ZDHHC20: variants seen among roughly 807,000 people sequenced by gnomAD.
ZDHHC20 encodes palmitoyltransferase ZDHHC20.
A neutral mutation model predicts 57.8 loss-of-function variants in ZDHHC20; 43 were observed. The ratio of observed to expected loss-of-function variants is 0.74; its 90% CI spans 0.58 to 0.96. ZDHHC20 has a LOEUF of 0.96. Among genes scored for constraint, ZDHHC20 ranks in the 40% least tolerant of loss-of-function variants. The probability of loss-of-function intolerance (pLI) is 0.00; values close to 1 mark genes in which losing one functional copy is unlikely to be tolerated. For synonymous variants in ZDHHC20, 157 were observed against 153.0 expected (o/e 1.03, Z -0.19); for missense variants, 391 against 441.1 (o/e 0.89, Z 1.02).
chr13:21,400,414 C>A lies in ZDHHC20; in HGVS notation c.553G>T (p.Val185Leu), dbSNP rs377020404. Reference protein sequence around the residue: ...LLYSLLYCLFVAATVLEYFIK... With the variant: ...LLYSLLYCLFLAATVLEYFIK... ...AAGTACTCTAAAACTGTTGCAGCCACGAAAAGGCAATATAATAGGGAATAC... is the reference window on the plus strand; with the variant it reads ...AAGTACTCTAAAACTGTTGCAGCCAAGAAAAGGCAATATAATAGGGAATAC... Residue 185 changes from valine (V) to leucine (L), a missense_variant, in exon 7 of 13, where the codon GTG becomes TTG. Around this residue, in one of 3 missense-constraint regions of ZDHHC20, gnomAD observed 197 missense variants for 220.8 expected, o/e 0.89. Transcript: ENST00000400590. 1.2e-6 allele frequency: 2 copies of A among 1,601,638 alleles called. No homozygotes were observed. The highest frequency in any genetic ancestry group is 1.7e-6 in the Non-Finnish European group (2 of 1,176,112).
rs977142020 is a variant in ZDHHC20, at chr13:21,387,726, A to C, written c.728-92T>G. On this transcript the variant is annotated intron_variant, in intron 8 of 12. Coordinates refer to ENST00000400590, the MANE Select transcript of ZDHHC20 (RefSeq NM_001330059.2). ...ACCAATTTTCTTGCTTATATCTTTG[A>C]CACAAAAACTGTAAATATAATTTAA... 63 of 657,954 alleles carry C rather than the reference A, an allele frequency of 9.6e-5. No homozygotes were observed. The East Asian group carries it at 2.3e-3, about 24-fold the overall frequency. The allele number at this position is 657,954 out of a possible 1,614,324, so 40.8% of individuals were successfully genotyped here.
intron 7 of ZDHHC20, among the ~76,000 whole-genome samples, chr13:21,398,173 TAAAC>T (rs1411549010): frequency 1.3e-5 from 2 of 151,952 alleles, no homozygotes; most frequent in African/African-American, 4.8e-5. Flanking sequence ...CTAAGAAACA[TAAAC>T]AAACAGGTTG....
At chr13:21,381,754 A>G in intron 10 of ZDHHC20, 1 of 589,022 alleles carries the variant, frequency 1.7e-6, no homozygotes, top group South Asian at 2.0e-5. Context: ...AAGAATCTGT[A>G]TTCCAACACT....
intron 1 of ZDHHC20, among the ~76,000 whole-genome samples, chr13:21,455,531 T>C (rs1472956916): frequency 6.6e-6 from 1 of 152,192 alleles, no homozygotes; most frequent in African/African-American, 2.4e-5. Flanking sequence ...TATTACTAAT[T>C]ACTTAATCTT....
At chr13:21,452,363 C>T (rs762835219) in intron 1 of ZDHHC20, among the ~76,000 whole-genome samples, 4 of 152,078 alleles carry the variant, frequency 2.6e-5, no homozygotes, top group African/African-American at 4.8e-5. Context: ...AACTATGTCT[C>T]GATCAAGTTG....
intron 11 of ZDHHC20, among the ~76,000 whole-genome samples, chr13:21,379,040 G>A (rs1053142433): frequency 3.9e-5 from 6 of 152,000 alleles, no homozygotes; most frequent in South Asian, 2.1e-4. Context: ...TTTTAGAGAC[G>A]GGCCTTAATA....
At chr13:21,408,961 C>G (rs1346209544) in intron 4 of ZDHHC20, among the ~76,000 whole-genome samples, 1 of 152,202 alleles carries the variant, frequency 6.6e-6, no homozygotes, top group African/African-American at 2.4e-5. Context: ...ATGAAGCCAA[C>G]TTGATCATAG....
chr13:21,389,834 TTTTC>T (rs1176887254), intron 8 of ZDHHC20, among the ~76,000 whole-genome samples: 2 of 152,196 alleles, frequency 1.3e-5, no homozygotes, highest in African/African-American at 4.8e-5. Context: ...AGAAATCTGG[TTTTC>T]TTTGTGAAAT....
chr13:21,459,036 C>T lies in ZDHHC20; in HGVS notation c.118+18G>A, dbSNP rs1215793208. 1.3e-6 allele frequency: 2 copies of T among 1,575,986 alleles called. No individual in the cohort carries two copies. The highest frequency in any genetic ancestry group is 1.8e-5 in the Admixed American group (1 of 56,912). On this transcript the variant is annotated intron_variant, in intron 1 of 12. Coordinates refer to ENST00000400590, the MANE Select transcript of ZDHHC20 (RefSeq NM_001330059.2). ...CCGCGGCCCGCGCCCCGCCGCAGTC[C>T]CCGGGGACGGTACTCACACACGCAG...
chr13:21,379,928 G>A (rs1394860689), intron 11 of ZDHHC20, among the ~76,000 whole-genome samples: 2 of 149,084 alleles, frequency 1.3e-5, no homozygotes, highest in African/African-American at 2.5e-5. Flanking sequence ...CCATTCCCCT[G>A]CCTCAGCCTC....
Position 21,440,023 on chromosome 13 carries a change from C to T in ZDHHC20, c.119-14345G>A, listed in dbSNP as rs148337763. Among the ~76,000 whole-genome samples, 403 of 139,736 alleles carry T rather than the reference C, an allele frequency of 2.9e-3. 2 individuals carry two copies. The highest frequency in any genetic ancestry group is 0.01 in the African/African-American group (389 of 37,074). The allele number at this position is 139,736 out of a possible 152,430, so 91.7% of individuals were successfully genotyped here. On this transcript the variant is annotated intron_variant, in intron 1 of 12. Coordinates refer to ENST00000400590, the MANE Select transcript of ZDHHC20 (RefSeq NM_001330059.2). ...CAGAGGTTTCAGTGAGCCAAGATCG[C>T]GCCATGGCACTCCAGCCTGGGCGAC...
At position 21,403,825 on chromosome 13, in the gene ZDHHC20, C is replaced by A. The variant is rs548527010; in HGVS notation, c.371-959G>T. 3.9e-5 allele frequency among the ~76,000 whole-genome samples: 6 copies of A among 152,210 alleles called. No homozygotes were observed. The South Asian group carries it at 1.2e-3, about 32-fold the overall frequency. On this transcript the variant is annotated intron_variant, in intron 4 of 12. Transcript: ENST00000400590. ...GCCTCAGCCTCCCGAGTAGCTGGGA[C>A]AACAGGTGTGCGCCATCATGCCCAG...
At chr13:21,447,947 T>G in intron 1 of ZDHHC20, among the ~76,000 whole-genome samples, 3 of 94,686 alleles carry the variant, frequency 3.2e-5, no homozygotes, top group Non-Finnish European at 4.6e-5. Flanking sequence ...CCATCTGGGA[T>G]GTGAGGAGCG....
chr13:21,423,228 G>GT (rs1236781724), intron 2 of ZDHHC20, among the ~76,000 whole-genome samples: 6 of 152,072 alleles, frequency 3.9e-5, no homozygotes, highest in African/African-American at 9.7e-5. Context: ...AGATAAAATC[G>GT]TAACCCTAAC....
intron 4 of ZDHHC20, among the ~76,000 whole-genome samples, chr13:21,407,710 T>A (rs549658903): frequency 1.3e-5 from 2 of 152,226 alleles, no homozygotes; most frequent in East Asian, 3.8e-4. Flanking sequence ...ATATCCTGAA[T>A]GGTGTTGCCT....
chr13:21,397,988 T>C (rs866787218), intron 7 of ZDHHC20, among the ~76,000 whole-genome samples: 4 of 152,184 alleles, frequency 2.6e-5, no homozygotes, highest in South Asian at 4.1e-4. Flanking sequence ...AAACATCTAC[T>C]GACTGCTTTC....
rs548041755 is a variant in ZDHHC20 at position 21,395,211 on chromosome 13, C to T, written c.595-3357G>A. Among the ~76,000 whole-genome samples the T allele has an allele frequency of 4.0e-5, 6 of 151,242 alleles. No individual in the cohort carries two copies. The East Asian group carries it at 5.9e-4, about 15-fold the overall frequency. ...CCTCCAGAGTAGCTGGGACTACAGG[C>T]GCCAGCTACCAGGCCCAGCTAATTC... On this transcript the variant is annotated intron_variant, in intron 7 of 12. Coordinates refer to ENST00000400590, the MANE Select transcript of ZDHHC20 (RefSeq NM_001330059.2).
intron 4 of ZDHHC20, among the ~76,000 whole-genome samples, chr13:21,403,987 G>A (rs558844273): frequency 2.6e-5 from 4 of 152,140 alleles, no homozygotes; most frequent in South Asian, 4.2e-4. Flanking sequence ...CGTGGCTGGC[G>A]GGGAGAATGA....
At chr13:21,391,985 C>G in intron 7 of ZDHHC20, 131 bp from the exon 8 acceptor site, 1 of 1,032,208 alleles carries the variant, frequency 9.7e-7, no homozygotes, top group Admixed American at 3.1e-5. Context: ...CTTAATATAT[C>G]CCAATGCAAC....
Sources: allele counts gnomAD v4.1 joint callset (sites outside exome capture counted in the v4.1 genomes callset), GRCh38; gene constraint gnomAD v4.1.1; regional missense constraint gnomAD v4.1.1; transcripts MANE v1.5; gene names NCBI Gene and HGNC (gene_info 2026-07-23, HGNC 2026-07-21).